Variants in CFAP206 observed in about 807,000 individuals in gnomAD.
CFAP206 encodes the protein cilia- and flagella-associated protein 206.
A neutral mutation model predicts 65.4 loss-of-function variants in CFAP206; 53 were observed. That is an observed-to-expected ratio of 0.81 (90% confidence interval 0.65 to 1.02). The LOEUF is 1.02. Among genes scored for constraint, CFAP206 ranks in the 50% least tolerant of loss-of-function variants. CFAP206 has a pLI of 0.00. For missense variants in CFAP206, 663 were observed against 753.2 expected (o/e 0.88, Z 1.40); for synonymous variants, 250 against 254.4 (o/e 0.98, Z 0.17).
At chr6:87,415,284 G>A (rs1767805814) in intron 4 of CFAP206, among the ~76,000 whole-genome samples, 1 of 150,742 alleles carries the variant, frequency 6.6e-6, no homozygotes, top group Admixed American at 6.6e-5. Context: ...TACTACATGT[G>A]CTTACATATA....
At chr6:87,408,524 T>A (rs1290327677) in intron 1 of CFAP206, 2 of 70,398 alleles carry the variant, frequency 2.8e-5, no homozygotes, top group African/African-American at 6.8e-5. Context: ...CGCACACAGA[T>A]CCGGAGCGCG....
intron 3 of CFAP206, among the ~76,000 whole-genome samples, chr6:87,413,447 A>T (rs755053094): frequency 2.6e-5 from 4 of 152,238 alleles, no homozygotes; most frequent in Non-Finnish European, 5.9e-5. Flanking sequence ...AGAGTGGAAC[A>T]GTAGACATTG....
intron 3 of CFAP206, 108 bp from the exon 4 acceptor site, chr6:87,413,702 A>G (rs1767775195): frequency 1.5e-6 from 1 of 665,608 alleles, no homozygotes; most frequent in Non-Finnish European, 2.5e-6. Flanking sequence ...TTGGTGAATC[A>G]ATATCAGGAA....
In CFAP206 at chr6:87,415,734, C is replaced by A; in HGVS notation, c.332C>A (p.Ser111Tyr). The A allele has an allele frequency of 6.2e-7, 1 of 1,612,266 alleles. No homozygotes were observed. The highest frequency in any genetic ancestry group is 8.5e-7 in the Non-Finnish European group (1 of 1,179,324). Residue 111 changes from serine to tyrosine, a missense_variant, in exon 5 of 13, where the codon TCT (serine) becomes TAT (tyrosine). By Grantham distance (144) the Ser-to-Tyr change is moderately radical (BLOSUM62 -2). Transcript: ENST00000369562. ...HHRVLESRLG[S>Y]VTREITDNRA... ...CGGGTCCTAGAGTCTAGATTAGGCT[C>A]TGTTACCCGAGAAATTACAGATAAC... is the stretch of plus-strand genomic sequence containing the variant.
At chr6:87,436,532 CA>C (rs1159927098) in intron 11 of CFAP206, among the ~76,000 whole-genome samples, 1 of 152,118 alleles carries the variant, frequency 6.6e-6, no homozygotes, top group Non-Finnish European at 1.5e-5. Context: ...AACACACAGG[CA>C]AGAAGACCAG....
chr6:87,451,722 T>C (rs1768547072), intron 11 of CFAP206, among the ~76,000 whole-genome samples: 1 of 151,978 alleles, frequency 6.6e-6, no homozygotes, highest in Admixed American at 6.6e-5. Flanking sequence ...ATCAAACTCC[T>C]ATAGTTCCTG....
intron 3 of CFAP206, among the ~76,000 whole-genome samples, chr6:87,412,983 T>G (rs952022157): frequency 6.6e-6 from 1 of 152,144 alleles, no homozygotes; most frequent in Non-Finnish European, 1.5e-5. Context: ...TAAAATAAAA[T>G]GAGGAGTGTT....
chr6:87,450,752 C>CT (rs1036534659), intron 11 of CFAP206, among the ~76,000 whole-genome samples: 6 of 151,922 alleles, frequency 3.9e-5, no homozygotes, highest in Non-Finnish European at 7.4e-5. Context: ...ATCACAGTAC[C>CT]TTTTTTAAAC....
intron 5 of CFAP206, among the ~76,000 whole-genome samples, 165 bp from the exon 6 acceptor site, chr6:87,416,504 C>A (rs533809890): frequency 6.6e-6 from 1 of 152,016 alleles, no homozygotes; most frequent in Non-Finnish European, 1.5e-5. Context: ...AGCTTTGATG[C>A]GTGATAAGTT....
intron 7 of CFAP206, among the ~76,000 whole-genome samples, chr6:87,424,778 A>G (rs1768007260): frequency 6.6e-6 from 1 of 152,208 alleles, no homozygotes; most frequent in African/African-American, 2.4e-5. Context: ...GTGTTGATTT[A>G]TAATGTTTGT....
chr6:87,438,160 A>C (rs2127953565), intron 11 of CFAP206, among the ~76,000 whole-genome samples: 1 of 152,088 alleles, frequency 6.6e-6, no homozygotes, highest in Non-Finnish European at 1.5e-5. Context: ...GGATTACATA[A>C]TTGTTTAAGA....
chr6:87,459,444 T>C (rs981122636), intron 11 of CFAP206, among the ~76,000 whole-genome samples: 4 of 152,266 alleles, frequency 2.6e-5, no homozygotes, highest in Admixed American at 6.5e-5. Flanking sequence ...AAAGATAGTT[T>C]TCAGAAATGG....
intron 8 of CFAP206, 85 bp from the exon 9 acceptor site, chr6:87,428,541 G>A (rs1052048087): frequency 5.4e-6 from 7 of 1,296,706 alleles, no homozygotes; most frequent in South Asian, 3.7e-5. Context: ...CTTTACAAAT[G>A]ACAATTGTAT....
chr6:87,452,066 C>T (rs564006469), intron 11 of CFAP206, among the ~76,000 whole-genome samples: 6 of 152,252 alleles, frequency 3.9e-5, no homozygotes, highest in African/African-American at 1.4e-4. Context: ...TGGTGGTGTA[C>T]AAGGGGGTGC....
rs143534155 is a variant in CFAP206, at chr6:87,461,890, C to T, written c.1638+725C>T. 2.4e-3 allele frequency among the ~76,000 whole-genome samples: 373 copies of T among 152,250 alleles called. 2 individuals carry two copies. Among genetic ancestry groups the T allele is most frequent in the Middle Eastern group, 0.017 (5 of 292 alleles). ...TCACTTGTGTTTGGTAGACTCAAAG[C>T]ATGCAGGGGAGTGGGAAAGCTTTAT... On this transcript the variant is annotated intron_variant, in intron 12 of 12. Transcript: ENST00000369562.
chr6:87,426,744 A>C, intron 8 of CFAP206, 99 bp downstream of exon 8: 1 of 959,688 alleles, frequency 1.0e-6, no homozygotes, highest in Non-Finnish European at 1.4e-6. Context: ...ATTTCTAAAA[A>C]TATAATGTTT....
At chr6:87,456,650 TAAAC>T (rs1276643824) in intron 11 of CFAP206, among the ~76,000 whole-genome samples, 1 of 152,136 alleles carries the variant, frequency 6.6e-6, no homozygotes, top group Non-Finnish European at 1.5e-5. Context: ...ATACAACTGA[TAAAC>T]AAATACAGTA....
intron 11 of CFAP206, among the ~76,000 whole-genome samples, chr6:87,454,990 T>C (rs10944311): frequency 0.29 from 43,576 of 151,508 alleles, 6,416 homozygotes; most frequent in Admixed American, 0.38. Flanking sequence ...TGGCATGATC[T>C]CTGCTCACTG....
intron 11 of CFAP206, among the ~76,000 whole-genome samples, chr6:87,445,867 T>C (rs1768433563): frequency 6.6e-6 from 1 of 152,170 alleles, no homozygotes; most frequent in Non-Finnish European, 1.5e-5. Flanking sequence ...CCAGCATCTG[T>C]TGTTTCTTCA....
Sources: allele counts gnomAD v4.1 joint callset (sites outside exome capture counted in the v4.1 genomes callset), GRCh38; gene constraint gnomAD v4.1.1; transcripts MANE v1.5; gene names NCBI Gene and HGNC (gene_info 2026-07-23, HGNC 2026-07-21).